The following CASP6 variants were observed in gnomAD, a reference collection of about 807,000 sequenced individuals.
CASP6 encodes caspase-6.
A neutral mutation model predicts 31.8 loss-of-function variants in CASP6; 20 were observed. The ratio of observed to expected loss-of-function variants is 0.63; its 90% CI spans 0.44 to 0.91. The LOEUF (loss-of-function observed/expected upper bound fraction) is 0.91. CASP6 is among the 40% of genes least tolerant of loss of function. The probability of loss-of-function intolerance (pLI) is 0.00; values close to 1 mark genes in which losing one functional copy is unlikely to be tolerated. For missense variants in CASP6, 328 were observed against 361.1 expected (o/e 0.91, Z 0.74); for synonymous variants, 130 against 127.8 (o/e 1.02, Z -0.12).
chr4:109,706,168 T>TATATATATATACATAC (rs1438834395), upstream of CASP6, among the ~76,000 whole-genome samples: 15 of 92,472 alleles, frequency 1.6e-4, no homozygotes, highest in African/African-American at 9.2e-4. Flanking sequence ...TATATATATA[T>TATATATATATACATAC]ATACACACAC....
the CASP6 span, among the ~76,000 whole-genome samples, chr4:109,665,102 C>T: frequency 1.3e-5 from 2 of 152,162 alleles, no homozygotes; most frequent in African/African-American, 2.4e-5. Flanking sequence ...AACACACTGA[C>T]ACATCATTGT....
At chr4:109,684,601 T>G, downstream of CASP6, 1 of 1,598,340 alleles carries the variant, frequency 6.3e-7, no homozygotes, top group Non-Finnish European at 8.6e-7. Flanking sequence ...TCATCACATT[T>G]GCAAATTCTA....
the CASP6 span, among the ~76,000 whole-genome samples, chr4:109,667,540 C>T: frequency 6.6e-6 from 1 of 151,224 alleles, no homozygotes; most frequent in Non-Finnish European, 1.5e-5. Flanking sequence ...TAGCTTTTAA[C>T]ATCATTGATT....
At chr4:109,690,196 T>TAA (rs768536131) in intron 6 of CASP6, among the ~76,000 whole-genome samples, 1 of 113,916 alleles carries the variant, frequency 8.8e-6, no homozygotes, top group Non-Finnish European at 1.8e-5. Context: ...AAAAAAAAAA[T>TAA]ACACACACAC....
intron 5 of CASP6, 84 bp downstream of exon 5, chr4:109,694,441 A>G: frequency 3.2e-6 from 4 of 1,253,208 alleles, no homozygotes; most frequent in Non-Finnish European, 4.3e-6. Context: ...GGAGAAAGTT[A>G]CTTTCAAAAC....
At chr4:109,665,202 A>G in the CASP6 span, among the ~76,000 whole-genome samples, 1 of 152,250 alleles carries the variant, frequency 6.6e-6, no homozygotes, top group Non-Finnish European at 1.5e-5. Flanking sequence ...TGTATTCATC[A>G]TTAATGTACA....
At chr4:109,682,183 T>A in the CASP6 span, among the ~76,000 whole-genome samples, 1 of 152,244 alleles carries the variant, frequency 6.6e-6, no homozygotes, top group Non-Finnish European at 1.5e-5. Context: ...CAGCTAGTTC[T>A]GTCTCTCACG....
chr4:109,670,142 A>G, the CASP6 span, among the ~76,000 whole-genome samples: 3 of 152,212 alleles, frequency 2.0e-5, no homozygotes, highest in African/African-American at 7.2e-5. Context: ...TAAGCCTTTT[A>G]TAATATAGTG....
In CASP6 at chr4:109,697,696, A is replaced by G; in HGVS notation, c.156T>C (p.His52=). The G allele has an allele frequency of 6.2e-7, 1 of 1,614,044 alleles. No individual in the cohort carries two copies. The highest frequency in any genetic ancestry group is 1.1e-5 in the South Asian group (1 of 90,998). Residue 52 remains histidine (H), a synonymous_variant, in exon 3 of 7, where the codon CAT becomes CAC. Transcript: ENST00000265164. ...GTGTTAAGTGCCAAAAGAACCTCTC[A>G]TGATTGAAGATTAAAGCAATTCCTC... ...RRRGIALIFN[H]ERFFWHLTLP...
Position 109,689,304 on chromosome 4 carries a change from G to T in CASP6, c.*26C>A. ...CTGAGAAAGCCATTTTCAATACAGA[G>T]TGTAAAATTAGATAGCCTCTATTAA... On this transcript the variant is annotated 3_prime_UTR_variant, in exon 7 of 7. Coordinates refer to ENST00000265164, the MANE Select transcript of CASP6 (RefSeq NM_001226.4). 1 of 1,601,124 alleles carries T rather than the reference G, an allele frequency of 6.2e-7. No individual in the cohort carries two copies. Among genetic ancestry groups the T allele is most frequent in the Non-Finnish European group, 8.6e-7 (1 of 1,169,012 alleles).
chr4:109,682,324 C>CTT, the CASP6 span, among the ~76,000 whole-genome samples: 230 of 147,284 alleles, frequency 1.6e-3, no homozygotes, highest in East Asian at 2.0e-3. Context: ...TTTTTGGTGA[C>CTT]TTTTTTTTTT....
upstream of CASP6, among the ~76,000 whole-genome samples, chr4:109,703,984 T>C (rs1314505115): frequency 6.6e-6 from 1 of 152,234 alleles, no homozygotes; most frequent in Non-Finnish European, 1.5e-5. Flanking sequence ...TGATCAGTAA[T>C]CTTTAATATT....
intron 1 of CASP6, among the ~76,000 whole-genome samples, chr4:109,702,338 T>TC (rs1730446230): frequency 1.3e-5 from 2 of 151,290 alleles, no homozygotes; most frequent in Admixed American, 6.6e-5. Context: ...TTTTTTTTTT[T>TC]TTTCTTCTTG....
intron 1 of CASP6, among the ~76,000 whole-genome samples, chr4:109,700,031 C>CGGCT (rs1241883916): frequency 6.6e-6 from 1 of 152,202 alleles, no homozygotes; most frequent in African/African-American, 2.4e-5. Context: ...AGCAGGCCAG[C>CGGCT]GGCTCACCTC....
chr4:109,672,141 C>T, the CASP6 span, among the ~76,000 whole-genome samples: 2 of 151,952 alleles, frequency 1.3e-5, no homozygotes, highest in Admixed American at 1.3e-4. Context: ...AGTTTCTTAG[C>T]CTCTTTTATT....
chr4:109,684,597 CA>C, downstream of CASP6: 1 of 1,599,126 alleles, frequency 6.3e-7, no homozygotes, highest in Non-Finnish European at 8.6e-7. Flanking sequence ...TACTTCATCA[CA>C]TTTGCAAATT....
At chr4:109,705,689 GTACATGTA>G (rs966885453), upstream of CASP6, among the ~76,000 whole-genome samples, 2 of 151,878 alleles carry the variant, frequency 1.3e-5, no homozygotes, top group Non-Finnish European at 2.9e-5. Context: ...AAAATTAAAA[GTACATGTA>G]TCAGCCACAG....
chr4:109,668,728 ATTT>A, the CASP6 span, among the ~76,000 whole-genome samples: 3 of 146,966 alleles, frequency 2.0e-5, no homozygotes, highest in African/African-American at 7.5e-5. Context: ...TGTCTTCCAC[ATTT>A]TTTCTGCCTT....
At chr4:109,671,318 C>T in the CASP6 span, among the ~76,000 whole-genome samples, 15 of 151,914 alleles carry the variant, frequency 9.9e-5, no homozygotes, top group Non-Finnish European at 2.1e-4. Flanking sequence ...GCTGCTTTTC[C>T]CTTCTCTCTT....
Sources: allele counts gnomAD v4.1 joint callset (sites outside exome capture counted in the v4.1 genomes callset), GRCh38; gene constraint gnomAD v4.1.1; transcripts MANE v1.5; gene names NCBI Gene and HGNC (gene_info 2026-07-23, HGNC 2026-07-21).